The following COL5A1 variants were observed in gnomAD, a reference collection of about 807,000 sequenced individuals.
The protein encoded by COL5A1 is collagen alpha-1(V) chain.
A neutral mutation model predicts 263.7 loss-of-function variants in COL5A1; 16 were observed. That is an observed-to-expected ratio of 0.06 (90% confidence interval 0.04 to 0.09). COL5A1 has a LOEUF of 0.09. Ranked by LOEUF, COL5A1 falls within the 10% of genes least tolerant of loss-of-function variation. The pLI is 1.00. For missense variants in COL5A1, 2,036 were observed against 2,540.5 expected (o/e 0.80, Z 4.27); for synonymous variants, 1,012 against 1,004.5 (o/e 1.01, Z -0.14).
At chr9:134,776,720 G>C (rs1837066890) in intron 27 of COL5A1, among the ~76,000 whole-genome samples, 2 of 152,148 alleles carry the variant, frequency 1.3e-5, no homozygotes, top group Admixed American at 6.5e-5. Context: ...AGTCCAGTGG[G>C]GCTGCTATAA....
chr9:134,757,436 A>G lies in COL5A1; in HGVS notation c.1881+618A>G, dbSNP rs1836021249. On this transcript the variant is annotated intron_variant, in intron 17 of 65. Coordinates refer to ENST00000371817, the MANE Select transcript of COL5A1 (RefSeq NM_000093.5). This position sits in a 1 kb window ranked among gnomAD's most constrained non-coding sequence, Gnocchi z 6.2. The stretch of plus-strand genomic sequence containing the variant: ...GCAGGGGAGATACTGACCTTCCGTG[A>G]AGAGTGCACCTGGGGACAGCAGCTG... 6.6e-6 allele frequency among the ~76,000 whole-genome samples: 1 copy of G among 152,152 alleles called. No homozygotes were observed. Among genetic ancestry groups the G allele is most frequent in the African/African-American group, 2.4e-5 (1 of 41,418 alleles).
At chr9:134,768,195 C>T (rs1309944741) in intron 24 of COL5A1, among the ~76,000 whole-genome samples, 2 of 152,212 alleles carry the variant, frequency 1.3e-5, no homozygotes, top group East Asian at 3.8e-4. Flanking sequence ...TCCGTTCCTA[C>T]AGCAGAACCT....
At chr9:134,709,087 C>G (rs1833944226) in intron 4 of COL5A1, 1 of 386,370 alleles carries the variant, frequency 2.6e-6, no homozygotes, top group Admixed American at 2.9e-5. Context: ...GATCTTATTT[C>G]TGGACAAGGT....
In COL5A1 at chr9:134,700,251, C is replaced by T; in HGVS notation, c.491+129C>T. On this transcript the variant is annotated intron_variant, in intron 3 of 65. Coordinates refer to ENST00000371817, the MANE Select transcript of COL5A1 (RefSeq NM_000093.5). This position sits in a 1 kb window ranked among gnomAD's most constrained non-coding sequence, Gnocchi z 4.0. ...GGTACTGAGACTCCCACAGACGCCG[C>T]AGCAGAGGAGAGGGTGCTGGGCTTG... 1.2e-6 allele frequency: 1 copy of T among 859,734 alleles called. No homozygotes were observed. The highest frequency in any genetic ancestry group is 1.8e-6 in the Non-Finnish European group (1 of 550,892). 53.3% of individuals were successfully genotyped at this position (859,734 alleles called of 1,614,324 possible).
intron 11 of COL5A1, among the ~76,000 whole-genome samples, chr9:134,744,289 A>G (rs527572534): frequency 1.3e-5 from 2 of 152,022 alleles, no homozygotes; most frequent in South Asian, 2.1e-4. Flanking sequence ...ACGCTTGCAC[A>G]CTCACCCACA....
Position 134,678,107 on chromosome 9 carries a change from G to T in COL5A1, c.110-12805G>T, listed in dbSNP as rs1040329683. ...CCCTCCGCAGCAGGGTATCTGCAGG[G>T]GTCTTGGAGGCATTCTCCCAGCTTG... On this transcript the variant is annotated intron_variant, in intron 1 of 65. Transcript: ENST00000371817. The surrounding 1 kb of genome is among the most constrained non-coding windows in gnomAD (Gnocchi z 5.5). 2.2e-4 allele frequency among the ~76,000 whole-genome samples: 33 copies of T among 152,176 alleles called. No homozygotes were observed. The highest frequency in any genetic ancestry group is 8.0e-4 in the African/African-American group (33 of 41,440).
intron 1 of COL5A1, among the ~76,000 whole-genome samples, chr9:134,690,312 CG>C (rs34335549): frequency 0.58 from 87,204 of 150,968 alleles, 28,056 homozygotes; most frequent in South Asian, 0.75. Context: ...TGGATAATGA[CG>C]GGGGGATAAA....
Position 134,652,770 on chromosome 9 carries a change from A to G in COL5A1, c.109+10474A>G. 2.1e-6 allele frequency: 1 copy of G among 470,392 alleles called. No individual in the cohort carries two copies. The allele number at this position is 470,392 out of a possible 1,614,324, so 29.1% of individuals were successfully genotyped here. A position where few individuals can be genotyped will look rare whatever the true frequency, so the allele number is the denominator to read the frequency against. On this transcript the variant is annotated intron_variant, in intron 1 of 65. Transcript: ENST00000371817. This position sits in a 1 kb window ranked among gnomAD's most constrained non-coding sequence, Gnocchi z 4.4. ...GAGGGCCTCTTCTTAGGCCGGGTCC[A>G]GCGTTTCTCCTCATGGTGTAGACCA...
chr9:134,817,864 T>C (rs1394388689), intron 54 of COL5A1, 33 bp downstream of exon 54: 1 of 1,573,456 alleles, frequency 6.4e-7, no homozygotes, highest in Admixed American at 1.9e-5. Flanking sequence ...TGTGACCGCG[T>C]AGACCTCCCC....
chr9:134,761,163 CACACCT>C (rs1168626740), intron 18 of COL5A1, among the ~76,000 whole-genome samples: 19 of 143,458 alleles, frequency 1.3e-4, no homozygotes, highest in African/African-American at 4.9e-4. Context: ...CACACGCATA[CACACCT>C]ATACACACAT....
At position 134,728,728 on chromosome 9, in the gene COL5A1, AC is replaced by A. The variant is rs1588477255; in HGVS notation, c.849del (p.Glu284LysfsTer3). On this transcript the variant is annotated frameshift_variant, in exon 6 of 66. Transcript: ENST00000371817. LOFTEE classifies it high-confidence loss of function. ...TYYYEYPYYE[D>X]PEDLGKEPTP... The stretch of plus-strand genomic sequence containing the variant: ...TACTACGAATACCCCTACTACGAAG[AC>A]CCCGAAGACCTAGGGAAGGAGCCCA... The A allele has an allele frequency of 6.2e-7, 1 of 1,614,062 alleles. No homozygotes were observed. The highest frequency in any genetic ancestry group is 8.5e-7 in the Non-Finnish European group (1 of 1,180,016).
At position 134,830,196 on chromosome 9, in the gene COL5A1, C is replaced by T. The variant is rs113504942; in HGVS notation, c.5136+152C>T. 2,312 of 1,597,108 alleles carry T rather than the reference C, an allele frequency of 1.4e-3. 26 individuals carry two copies. The African/African-American group carries it at 0.025, about 17-fold the overall frequency. On this transcript the variant is annotated intron_variant, in intron 64 of 65. Coordinates refer to ENST00000371817, the MANE Select transcript of COL5A1 (RefSeq NM_000093.5). ...TCCCTGGTAAGTGGCCACCTCGGCC[C>T]GGCCACCTCGGCACTGCCTGCTTGC...
At chr9:134,793,426 G>T (rs1034384564) in intron 32 of COL5A1, among the ~76,000 whole-genome samples, 1 of 152,100 alleles carries the variant, frequency 6.6e-6, no homozygotes, top group African/African-American at 2.4e-5. Context: ...ACAGGGACTC[G>T]AGATTCTTTG....
intron 1 of COL5A1, among the ~76,000 whole-genome samples, chr9:134,657,664 TG>T: frequency 1.4e-5 from 1 of 71,204 alleles, no homozygotes; most frequent in Middle Eastern, 7.8e-3. Flanking sequence ...ATAGATAATA[TG>T]GGGGGTGAGG....
chr9:134,727,497 T>C (rs1410617795), intron 5 of COL5A1, 100 bp downstream of exon 5: 2 of 1,383,564 alleles, frequency 1.4e-6, no homozygotes, highest in Non-Finnish European at 2.0e-6. Context: ...TTTAAATAAA[T>C]CCACTGGGTG....
At chr9:134,810,221 G>C (rs754614808) in intron 43 of COL5A1, 34 bp from the exon 44 acceptor site, 1 of 1,612,806 alleles carries the variant, frequency 6.2e-7, no homozygotes, top group South Asian at 1.1e-5. Context: ...CGGTTGTCAA[G>C]CTTTCTAACC....
Position 134,830,115 on chromosome 9 carries a change from T to C in COL5A1, c.5136+71T>C, listed in dbSNP as rs373825763. 15 of 1,612,674 alleles carry C rather than the reference T, an allele frequency of 9.3e-6. No individual in the cohort carries two copies. In the African/African-American group the frequency reaches 2.0e-4, roughly 22 times the overall value. On this transcript the variant is annotated intron_variant, in intron 64 of 65. Transcript: ENST00000371817. ...CCATCTCGTATCTTACAGAGTAAAA[T>C]GGCCCGCTGGCCCAAAGAGCAGCCT...
chr9:134,759,871 TGCACACAC>T (rs1391102401), intron 18 of COL5A1, among the ~76,000 whole-genome samples: 2 of 50,046 alleles, frequency 4.0e-5, no homozygotes, highest in Non-Finnish European at 6.6e-5. Context: ...CACTCACACA[TGCACACAC>T]ACCACACAGG....
intron 53 of COL5A1, among the ~76,000 whole-genome samples, chr9:134,817,337 G>A (rs1838795460): frequency 1.3e-5 from 2 of 152,232 alleles, no homozygotes; most frequent in Non-Finnish European, 2.9e-5. Context: ...AAAGACACCC[G>A]CAAAGCTGCA....
Sources: allele counts gnomAD v4.1 joint callset (sites outside exome capture counted in the v4.1 genomes callset), GRCh38; gene constraint gnomAD v4.1.1; non-coding constraint Gnocchi (gnomAD v3.1); transcripts MANE v1.5; gene names NCBI Gene and HGNC (gene_info 2026-07-23, HGNC 2026-07-21).